The following TMEM236 variants were observed in gnomAD, a reference collection of about 807,000 sequenced individuals.
TMEM236 encodes transmembrane protein 236.
TMEM236 carries 11 observed loss-of-function variants against 14.7 expected under a neutral mutation model. The observed-to-expected ratio is 0.75, with a 90% CI of 0.47 to 1.24. The LOEUF (loss-of-function observed/expected upper bound fraction) is 1.24, where lower values mean the gene tolerates loss of function less well. Among genes scored for constraint, TMEM236 ranks in the 50% most tolerant of loss-of-function variants. The pLI, the probability that TMEM236 is intolerant of heterozygous loss-of-function variation, is 0.00. For synonymous variants in TMEM236, 182 were observed against 168.6 expected (o/e 1.08, Z -0.62); for missense variants, 464 against 427.3 (o/e 1.09, Z -0.76).
Position 17,776,223 on chromosome 10 carries a change from A to G in TMEM236, c.472+53A>G, listed in dbSNP as rs1033219645. 4 of 1,537,304 alleles carry G rather than the reference A, an allele frequency of 2.6e-6. No homozygotes were observed. The African/African-American group carries it at 4.1e-5, about 16-fold the overall frequency. On this transcript the variant is annotated intron_variant, in intron 3 of 3. Transcript: ENST00000377495. ...TTTTAAAGTTTGATATATTTTTCAC[A>G]TTTCTGCCACTGTGTTATCTGACAA...
intron 1 of TMEM236, among the ~76,000 whole-genome samples, chr10:17,763,765 G>A (rs1837414527): frequency 6.6e-6 from 1 of 152,190 alleles, no homozygotes; most frequent in Non-Finnish European, 1.5e-5. Flanking sequence ...GCTTAGAAAG[G>A]AGCAGGTGGT....
intron 3 of TMEM236, among the ~76,000 whole-genome samples, chr10:17,794,882 GCC>G (rs1837985760): frequency 6.6e-6 from 1 of 152,062 alleles, no homozygotes. Context: ...CTAAAAGTTA[GCC>G]AGGCATGGTG....
At position 17,798,062 on chromosome 10, in the gene TMEM236, T is replaced by C. The variant is rs1838045142; in HGVS notation, c.*1558T>C. 3 of 159,066 alleles carry C rather than the reference T, an allele frequency of 1.9e-5. No homozygotes were observed. The highest frequency in any genetic ancestry group is 4.2e-5 in the Non-Finnish European group (3 of 71,740). The allele number at this position is 159,066 out of a possible 1,614,324, so 9.9% of individuals were successfully genotyped here. A position where few individuals can be genotyped will look rare whatever the true frequency, so the allele number is the denominator to read the frequency against. On this transcript the variant is annotated 3_prime_UTR_variant, in exon 4 of 4. Transcript: ENST00000377495. ...TTAGATACAGAGTCATGCAACTTGCTTTCACCCTGTTGGGACACTCTGAAC... is the reference window on the plus strand; with the variant it reads ...TTAGATACAGAGTCATGCAACTTGCCTTCACCCTGTTGGGACACTCTGAAC...
rs1159970482 is a variant in TMEM236 at position 17,752,457 on chromosome 10, T to C, written c.162T>C (p.Ser54=). ...ACTACTGGCTGATCATCTCCTGTTC[T>C]ATTGCCTATGTTGCGTTAGTGACTC... is the stretch of plus-strand genomic sequence containing the variant. ...NTHYWLIISC[S]IAYVALVTLL... Residue 54 remains serine (S), a synonymous_variant, in exon 1 of 4, where the codon TCT becomes TCC. Transcript: ENST00000377495. The C allele has an allele frequency of 7.4e-6, 12 of 1,614,010 alleles. No homozygotes were observed. Among genetic ancestry groups the C allele is most frequent in the East Asian group, 2.2e-5 (1 of 44,888 alleles).
chr10:17,800,807 G>A lies in TMEM236; in HGVS notation c.*4303G>A, dbSNP rs1439896114. 3 of 152,158 alleles carry A rather than the reference G, an allele frequency of 2.0e-5. No homozygotes were observed. The highest frequency in any genetic ancestry group is 4.4e-5 in the Non-Finnish European group (3 of 68,008). The allele number at this position is 152,158 out of a possible 1,614,324, so 9.4% of individuals were successfully genotyped here. ...AGAAGAAAAAAATGAAATGGCTAAA[G>A]ACATTTTGTTTTACAATGGGGCTGT... On this transcript the variant is annotated 3_prime_UTR_variant, in exon 4 of 4. Coordinates refer to ENST00000377495, the MANE Select transcript of TMEM236 (RefSeq NM_001098844.3).
At chr10:17,764,694 G>A (rs1384459179) in intron 1 of TMEM236, among the ~76,000 whole-genome samples, 1 of 152,102 alleles carries the variant, frequency 6.6e-6, no homozygotes, top group African/African-American at 2.4e-5. Flanking sequence ...CTCTCTCCTG[G>A]CTGTTGGTGG....
At chr10:17,790,052 CAA>C (rs1431652987) in intron 3 of TMEM236, among the ~76,000 whole-genome samples, 94 of 151,728 alleles carry the variant, frequency 6.2e-4, no homozygotes, top group Non-Finnish European at 1.3e-3. Context: ...AACAAAAAAA[CAA>C]AAAACGAACA....
At chr10:17,761,245 T>C (rs1278059139) in intron 1 of TMEM236, among the ~76,000 whole-genome samples, 3 of 152,216 alleles carry the variant, frequency 2.0e-5, no homozygotes, top group Non-Finnish European at 4.4e-5. Flanking sequence ...TGATTCGTCC[T>C]GATTGTTTCT....
intron 1 of TMEM236, among the ~76,000 whole-genome samples, chr10:17,758,586 G>A (rs1374060461): frequency 2.0e-5 from 3 of 152,158 alleles, no homozygotes; most frequent in Non-Finnish European, 2.9e-5. Flanking sequence ...AAGATCATGC[G>A]TGTAAAGTTC....
At position 17,796,140 on chromosome 10, in the gene TMEM236, G is replaced by A. The variant is rs940782752; in HGVS notation, c.692G>A (p.Arg231Gln). Residue 231 changes from arginine to glutamine, a missense_variant, in exon 4 of 4, where the codon CGA becomes CAA. By Grantham distance (43) the Arg-to-Gln change is conservative. Coordinates refer to ENST00000377495, the MANE Select transcript of TMEM236 (RefSeq NM_001098844.3). ...DSGILRMMSR[R>Q]DVRAELFLWS... ...GGAATCCTGAGAATGATGTCCCGGC[G>A]AGATGTCCGGGCAGAGTTATTCTTA... The A allele has an allele frequency of 3.1e-5, 50 of 1,613,810 alleles. No homozygotes were observed. Among genetic ancestry groups the A allele is most frequent in the Non-Finnish European group, 3.7e-5 (44 of 1,179,868 alleles).
intron 1 of TMEM236, among the ~76,000 whole-genome samples, chr10:17,754,462 C>G (rs975115687): frequency 1.3e-5 from 2 of 151,918 alleles, no homozygotes; most frequent in Non-Finnish European, 2.9e-5. Flanking sequence ...GTAGCTGGGA[C>G]TACAGGTGCA....
chr10:17,785,667 G>A lies in TMEM236; in HGVS notation c.472+9497G>A, dbSNP rs538350954. 1.3e-3 allele frequency among the ~76,000 whole-genome samples: 190 copies of A among 151,926 alleles called. 1 individual carries two copies. The Middle Eastern group carries it at 0.024, about 19-fold the overall frequency. ...ATTATACAAGATGAGCCCCTAGTGC[G>A]AGCTGAATTTCCATAATGTGTTGTT... On this transcript the variant is annotated intron_variant, in intron 3 of 3. Transcript: ENST00000377495.
At chr10:17,752,702 G>C (rs2131737030) in intron 1 of TMEM236, 150 bp downstream of exon 1, 2 of 786,586 alleles carry the variant, frequency 2.5e-6, no homozygotes, top group East Asian at 5.4e-5. Context: ...GAGTAGCTGG[G>C]ATTACAGTCG....
Position 17,798,689 on chromosome 10 carries a change from G to A in TMEM236, c.*2185G>A. ...ACAGTTGTTAAAAGCTTGCCTTCCA[G>A]CTTTCTAATTTGAGGTAGGTTCTAT... On this transcript the variant is annotated 3_prime_UTR_variant, in exon 4 of 4. Coordinates refer to ENST00000377495, the MANE Select transcript of TMEM236 (RefSeq NM_001098844.3). 5.6e-6 allele frequency: 3 copies of A among 534,482 alleles called. No individual in the cohort carries two copies. The Admixed American group carries it at 5.8e-5, about 10-fold the overall frequency. The allele number at this position is 534,482 out of a possible 1,614,324, so 33.1% of individuals were successfully genotyped here.
At chr10:17,787,005 T>C (rs1554835750) in intron 3 of TMEM236, among the ~76,000 whole-genome samples, 1 of 152,236 alleles carries the variant, frequency 6.6e-6, no homozygotes, top group East Asian at 1.9e-4. Flanking sequence ...TTTCACCCTC[T>C]GCCATGATTG....
In TMEM236 at chr10:17,796,940, A is replaced by G. The variant is rs1184889461; in HGVS notation, c.*436A>G. On this transcript the variant is annotated 3_prime_UTR_variant, in exon 4 of 4. Coordinates refer to ENST00000377495, the MANE Select transcript of TMEM236 (RefSeq NM_001098844.3). ...CATAGGAGCCCAAACCCTATTGTGA[A>G]CTGCGTATGCAAGGGATCTAGCTTT... 9.9e-6 allele frequency: 2 copies of G among 202,490 alleles called. No individual in the cohort carries two copies. The highest frequency in any genetic ancestry group is 2.4e-5 in the African/African-American group (1 of 41,972). 12.5% of individuals were successfully genotyped at this position (202,490 alleles called of 1,614,324 possible). A position where few individuals can be genotyped will look rare whatever the true frequency, so the allele number is the denominator to read the frequency against.
At chr10:17,757,598 C>CAAAAAAAAAAA (rs143988279) in intron 1 of TMEM236, among the ~76,000 whole-genome samples, 6 of 98,700 alleles carry the variant, frequency 6.1e-5, no homozygotes, top group African/African-American at 2.2e-4. Context: ...AACCCTGTCT[C>CAAAAAAAAAAA]AAAAAAAAAA....
At chr10:17,753,813 G>C (rs1310889084) in intron 1 of TMEM236, among the ~76,000 whole-genome samples, 1 of 152,226 alleles carries the variant, frequency 6.6e-6, no homozygotes, top group South Asian at 2.1e-4. Flanking sequence ...AGGTCTTTGA[G>C]GAATCACCAC....
At chr10:17,791,961 G>A (rs1837932348) in intron 3 of TMEM236, among the ~76,000 whole-genome samples, 1 of 152,296 alleles carries the variant, frequency 6.6e-6, no homozygotes, top group South Asian at 2.1e-4. Context: ...GCTTGGTACG[G>A]CACTCTCATA....
Sources: gnomAD v4.1 joint callset for allele counts (sites outside exome capture counted in the v4.1 genomes callset) on GRCh38, gnomAD v4.1.1 for gene constraint, MANE v1.5 for transcripts, NCBI Gene and HGNC (gene_info 2026-07-23, HGNC 2026-07-21) for gene names.